SLAIN1: variants seen among roughly 807,000 people sequenced by gnomAD.
SLAIN1 encodes SLAIN motif-containing protein 1.
Under a neutral mutation model 55.4 loss-of-function variants are expected in SLAIN1, and 17 were observed. The observed-to-expected ratio is 0.31, with a 90% CI of 0.21 to 0.46. SLAIN1 has a LOEUF of 0.46. Ranked by LOEUF, SLAIN1 falls within the 20% of genes least tolerant of loss-of-function variation. The probability of loss-of-function intolerance (pLI) is 1.00; values close to 1 mark genes in which losing one functional copy is unlikely to be tolerated. For synonymous variants in SLAIN1, 348 were observed against 337.4 expected, an observed-to-expected ratio of 1.03 and a Z score of -0.35; for missense variants, 682 against 785.1, an observed-to-expected ratio of 0.87 and a Z score of 1.57.
intron 1 of SLAIN1, among the ~76,000 whole-genome samples, chr13:77,709,528 G>A (rs751946861): frequency 1.3e-5 from 2 of 152,182 alleles, no homozygotes; most frequent in Non-Finnish European, 2.9e-5. Context: ...CCCACAAAGG[G>A]AAGCCCATTA....
chr13:77,709,166 A>C (rs1313707421), intron 1 of SLAIN1, among the ~76,000 whole-genome samples: 2 of 151,840 alleles, frequency 1.3e-5, no homozygotes, highest in Non-Finnish European at 2.9e-5. Context: ...GGTATATCAG[A>C]GATTGAAGAT....
intron 6 of SLAIN1, among the ~76,000 whole-genome samples, chr13:77,762,279 T>C (rs1056281830): frequency 1.3e-5 from 2 of 152,252 alleles, no homozygotes. Flanking sequence ...ACCATACATT[T>C]ATCCTTGACT....
chr13:77,753,932 A>G (rs974642762), intron 5 of SLAIN1, among the ~76,000 whole-genome samples: 1 of 152,010 alleles, frequency 6.6e-6, no homozygotes, highest in Non-Finnish European at 1.5e-5. Flanking sequence ...CTTACTTTCT[A>G]TGTTTTACCC....
chr13:77,705,341 A>G (rs1450730611), intron 1 of SLAIN1, among the ~76,000 whole-genome samples: 1 of 151,934 alleles, frequency 6.6e-6, no homozygotes, highest in Non-Finnish European at 1.5e-5. Flanking sequence ...GAAGCAATTT[A>G]AGAAAAGTTA....
At chr13:77,738,173 A>G (rs1594279102) in intron 2 of SLAIN1, among the ~76,000 whole-genome samples, 1 of 151,818 alleles carries the variant, frequency 6.6e-6, no homozygotes, top group East Asian at 1.9e-4. Flanking sequence ...CATCTGAATC[A>G]TTCTGGAGCA....
intron 2 of SLAIN1, among the ~76,000 whole-genome samples, chr13:77,739,334 A>G (rs746688023): frequency 6.6e-6 from 1 of 152,090 alleles, no homozygotes; most frequent in Non-Finnish European, 1.5e-5. Flanking sequence ...GAGATAAGGA[A>G]ATATTAGTCA....
intron 2 of SLAIN1, among the ~76,000 whole-genome samples, chr13:77,733,356 T>G (rs1444065917): frequency 6.6e-6 from 1 of 152,168 alleles, no homozygotes; most frequent in East Asian, 1.9e-4. Flanking sequence ...TGGGTATTTC[T>G]TAAAGATGGT....
Position 77,761,033 on chromosome 13 carries a change from C to T in SLAIN1, c.1620C>T (p.Arg540=). 1.2e-6 allele frequency: 2 copies of T among 1,614,210 alleles called. No homozygotes were observed. Among genetic ancestry groups the T allele is most frequent in the Non-Finnish European group, 1.7e-6 (2 of 1,180,028 alleles). ...NKAAASGIMG[R]SALPRPSLAI... Reference sequence around the variant, plus strand: ...CTGCAGCTTCTGGGATAATGGGTCGCAGTGCACTCCCAAGACCTTCGTTGG... The same window carrying T: ...CTGCAGCTTCTGGGATAATGGGTCGTAGTGCACTCCCAAGACCTTCGTTGG... The change falls in exon 6 of 7, where the codon CGC becomes CGT. Residue 540 remains arginine (R), a synonymous_variant. Transcript: ENST00000418532.
intron 1 of SLAIN1, among the ~76,000 whole-genome samples, chr13:77,702,990 G>C (rs774111079): frequency 1.9e-4 from 29 of 152,152 alleles, no homozygotes; most frequent in Non-Finnish European, 4.0e-4. Flanking sequence ...ACTGAAGATA[G>C]TATAGTACTC....
At chr13:77,750,802 T>G (rs1874155741) in intron 4 of SLAIN1, among the ~76,000 whole-genome samples, 1 of 152,202 alleles carries the variant, frequency 6.6e-6, no homozygotes, top group Non-Finnish European at 1.5e-5. Flanking sequence ...GAAAAGCTTC[T>G]CTATGGTGGG....
At chr13:77,746,468 G>T (rs750792066) in intron 3 of SLAIN1, 46 bp from the exon 4 acceptor site, 1 of 1,473,028 alleles carries the variant, frequency 6.8e-7, no homozygotes, top group Admixed American at 2.1e-5. Flanking sequence ...ATAACTAAAT[G>T]TTAGCTAGAT....
chr13:77,734,819 A>G (rs1199689812), intron 2 of SLAIN1, among the ~76,000 whole-genome samples: 1 of 152,072 alleles, frequency 6.6e-6, no homozygotes, highest in Admixed American at 6.6e-5. Context: ...CAGGAGTTTG[A>G]GACCAGCCTG....
At chr13:77,734,760 T>C (rs935561755) in intron 2 of SLAIN1, among the ~76,000 whole-genome samples, 5 of 152,116 alleles carry the variant, frequency 3.3e-5, no homozygotes, top group Non-Finnish European at 7.4e-5. Context: ...TGGCTCACAC[T>C]TGTAATCCCA....
At position 77,744,464 on chromosome 13, in the gene SLAIN1, G is replaced by T. The variant is rs9600922; in HGVS notation, c.916+32G>T. 4.4e-3 allele frequency: 7,100 copies of T among 1,604,870 alleles called. 260 individuals carry two copies. The African/African-American group carries it at 0.083, about 19-fold the overall frequency. On this transcript the variant is annotated intron_variant, in intron 3 of 6. Transcript: ENST00000418532. Reference sequence around the variant, plus strand: ...GTTCTTTCTAAACTAGCAAAATGAGGCTTCCACTTGGAATATACAGGCAGA... The same window carrying T: ...GTTCTTTCTAAACTAGCAAAATGAGTCTTCCACTTGGAATATACAGGCAGA...
At chr13:77,726,666 C>T (rs2091310815) in intron 2 of SLAIN1, among the ~76,000 whole-genome samples, 1 of 152,094 alleles carries the variant, frequency 6.6e-6, no homozygotes, top group Non-Finnish European at 1.5e-5. Flanking sequence ...GCAATCTGCC[C>T]ACCTGGCCTC....
intron 2 of SLAIN1, 96 bp downstream of exon 2, chr13:77,719,767 T>C: frequency 1.4e-6 from 2 of 1,425,300 alleles, no homozygotes; most frequent in South Asian, 2.7e-5. Context: ...AATTGAAAAT[T>C]CTTACCCTGA....
Position 77,698,173 on chromosome 13 carries a change from C to G in SLAIN1, c.260C>G (p.Thr87Arg). Residue 87 changes from threonine (T) to arginine (R), a missense_variant, in exon 1 of 7, where the codon ACG becomes AGG. By Grantham distance (71) the Thr-to-Arg change is moderately conservative. This residue lies in a region of SLAIN1 where 401 missense variants were observed against 417.3 expected (regional missense o/e 0.96). Transcript: ENST00000418532. This position sits in a 1 kb window ranked among gnomAD's most constrained non-coding sequence, Gnocchi z 4.1. ...PLGPRSPPAA[T>R]ATAAASGGLG... The stretch of plus-strand genomic sequence containing the variant: ...GGTCCTCGGAGCCCCCCGGCCGCCA[C>G]GGCCACCGCCGCGGCCTCAGGGGGC... 8.5e-7 allele frequency: 1 copy of G among 1,178,780 alleles called. No homozygotes were observed. Among genetic ancestry groups the G allele is most frequent in the Non-Finnish European group, 1.0e-6 (1 of 954,636 alleles). The allele number at this position is 1,178,780 out of a possible 1,614,324, so 73.0% of individuals were successfully genotyped here.
intron 1 of SLAIN1, among the ~76,000 whole-genome samples, chr13:77,715,516 CT>C (rs1404846712): frequency 1.3e-5 from 2 of 151,892 alleles, no homozygotes; most frequent in African/African-American, 4.8e-5. Flanking sequence ...CTGCCAAACT[CT>C]TTTCCAAAGT....
chr13:77,746,759 A>G lies in SLAIN1; in HGVS notation c.1162A>G (p.Ser388Gly), dbSNP rs150455226. 40 of 1,613,844 alleles carry G rather than the reference A, an allele frequency of 2.5e-5. No individual in the cohort carries two copies. The African/African-American group carries it at 4.3e-4, about 17-fold the overall frequency. Residue 388 changes from serine to glycine, a missense_variant, in exon 4 of 7, where the codon AGT becomes GGT. Ser to Gly is a moderately conservative substitution (Grantham distance 56). Around this residue, in one of 3 missense-constraint regions of SLAIN1, gnomAD observed 244 missense variants for 295.2 expected, o/e 0.83. Coordinates refer to ENST00000418532, the MANE Select transcript of SLAIN1 (RefSeq NM_001242868.2). ...CATTCGGGAGTGTAGGAGGAGCCCC[A>G]GTTCCCAGTATTTTCCTTCAAATAA... is the stretch of plus-strand genomic sequence containing the variant. ...SSIRECRRSP[S>G]SQYFPSNNYQ... is the part of the protein sequence containing the mutation.
Sources: gnomAD v4.1 joint callset for allele counts (sites outside exome capture counted in the v4.1 genomes callset) on GRCh38, gnomAD v4.1.1 for gene constraint, gnomAD v4.1.1 regional missense constraint, Gnocchi (gnomAD v3.1) non-coding constraint, MANE v1.5 for transcripts, NCBI Gene and HGNC (gene_info 2026-07-23, HGNC 2026-07-21) for gene names.